The following CCSER1 variants were observed in gnomAD, a reference collection of about 807,000 sequenced individuals.
CCSER1 encodes coiled-coil serine rich protein 1, also known as serine-rich coiled-coil domain-containing protein 1.
A neutral mutation model predicts 82.0 loss-of-function variants in CCSER1; 41 were observed. The ratio of observed to expected loss-of-function variants is 0.50; its 90% confidence interval spans 0.39 to 0.65. CCSER1 has a LOEUF of 0.65. Among genes scored for constraint, CCSER1 ranks in the 30% least tolerant of loss-of-function variants. The pLI is 0.00. For synonymous variants in CCSER1, 414 were observed against 383.9 expected, an observed-to-expected ratio of 1.08 and a Z score of -0.92; for missense variants, 1,119 against 1,064.2, an observed-to-expected ratio of 1.05 and a Z score of -0.72.
At chr4:90,138,170 A>G (rs1161680782) in intron 1 of CCSER1, among the ~76,000 whole-genome samples, 2 of 152,270 alleles carry the variant, frequency 1.3e-5, no homozygotes, top group East Asian at 3.9e-4. Context: ...ATGCACTACT[A>G]CTTAAGAGTG....
chr4:91,183,643 G>C (rs569143763), intron 10 of CCSER1, among the ~76,000 whole-genome samples: 3 of 152,072 alleles, frequency 2.0e-5, no homozygotes, highest in Non-Finnish European at 4.4e-5. Context: ...GTTAGAGTCC[G>C]TGAATTAGTA....
At chr4:91,544,417 C>G (rs1272103173) in intron 10 of CCSER1, among the ~76,000 whole-genome samples, 1 of 152,190 alleles carries the variant, frequency 6.6e-6, no homozygotes, top group Non-Finnish European at 1.5e-5. Context: ...CTTTTCTGCT[C>G]TGGTTTCTCC....
In CCSER1 at chr4:91,439,572, A is replaced by T. The variant is rs1340635790; in HGVS notation, c.2218-159000A>T. ...TCGAGACTAGGAAGAAACTGCATCA[A>T]CTAACAAGCAAAATAACCAGGATCA... is the stretch of plus-strand genomic sequence containing the variant. On this transcript the variant is annotated intron_variant, in intron 10 of 10. Transcript: ENST00000509176. Among the ~76,000 whole-genome samples the T allele has an allele frequency of 2.6e-5, 4 of 152,134 alleles. No homozygotes were observed. In the East Asian group the frequency reaches 7.7e-4, roughly 29 times the overall value.
In CCSER1 at chr4:91,077,986, G is replaced by A. The variant is rs184952090; in HGVS notation, c.2173-7964G>A. ...AGCCCACCACAGCTCAAGGAGGCCC[G>A]CCTGCCTCTGTAGACTCCACCTCTA... On this transcript the variant is annotated intron_variant, in intron 9 of 10. Transcript: ENST00000509176. 8.5e-3 allele frequency among the ~76,000 whole-genome samples: 1,297 copies of A among 152,328 alleles called. 19 individuals carry two copies. Among genetic ancestry groups the A allele is most frequent in the African/African-American group, 0.028 (1,163 of 41,568 alleles).
At chr4:91,166,083 A>G (rs1732032682) in intron 10 of CCSER1, among the ~76,000 whole-genome samples, 1 of 152,228 alleles carries the variant, frequency 6.6e-6, no homozygotes, top group Admixed American at 6.5e-5. Context: ...AATTATAGCT[A>G]ACATTTTAAG....
chr4:90,220,818 G>T (rs1742011491), intron 1 of CCSER1, among the ~76,000 whole-genome samples: 1 of 152,128 alleles, frequency 6.6e-6, no homozygotes, highest in Non-Finnish European at 1.5e-5. Flanking sequence ...ATGCAATTTA[G>T]ATGTATCATT....
chr4:90,887,177 G>T (rs1722253383), intron 8 of CCSER1, among the ~76,000 whole-genome samples: 1 of 152,080 alleles, frequency 6.6e-6, no homozygotes, highest in African/African-American at 2.4e-5. Context: ...AGATTTTCCA[G>T]ATTCAGGCCA....
chr4:90,215,113 A>G (rs972786790), intron 1 of CCSER1, among the ~76,000 whole-genome samples: 1 of 152,154 alleles, frequency 6.6e-6, no homozygotes, highest in Admixed American at 6.5e-5. Context: ...ATAGAATTCT[A>G]TCAAAATAAA....
intron 7 of CCSER1, among the ~76,000 whole-genome samples, chr4:90,778,026 G>A (rs1753175962): frequency 6.6e-6 from 1 of 151,814 alleles, no homozygotes; most frequent in Admixed American, 6.6e-5. Flanking sequence ...AAAAAAAAAT[G>A]TTTTCTTATT....
intron 5 of CCSER1, among the ~76,000 whole-genome samples, chr4:90,627,745 C>T (rs1039027515): frequency 2.6e-5 from 4 of 151,912 alleles, no homozygotes; most frequent in African/African-American, 9.7e-5. Flanking sequence ...CTTTGAGAGG[C>T]CAAGGCAGGC....
chr4:90,530,115 C>T (rs937187708), intron 5 of CCSER1, among the ~76,000 whole-genome samples: 1 of 152,012 alleles, frequency 6.6e-6, no homozygotes, highest in African/African-American at 2.4e-5. Flanking sequence ...TCATTGAACA[C>T]CTACTAGGTG....
intron 3 of CCSER1, among the ~76,000 whole-genome samples, chr4:90,349,653 C>G (rs749103818): frequency 6.6e-6 from 1 of 152,020 alleles, no homozygotes; most frequent in Non-Finnish European, 1.5e-5. Context: ...TACCATTACT[C>G]TCTGCTTTCC....
intron 1 of CCSER1, among the ~76,000 whole-genome samples, chr4:90,155,175 A>T (rs1466247733): frequency 6.6e-6 from 1 of 152,170 alleles, no homozygotes; most frequent in African/African-American, 2.4e-5. Context: ...TATACGCTGG[A>T]TTACATTTAT....
chr4:90,879,485 AGAG>A (rs1720870984), intron 8 of CCSER1, among the ~76,000 whole-genome samples: 8 of 118,254 alleles, frequency 6.8e-5, no homozygotes, highest in East Asian at 4.0e-4. Context: ...TAATAATAAA[AGAG>A]GAAGAAGAAG....
intron 1 of CCSER1, among the ~76,000 whole-genome samples, chr4:90,183,251 A>C (rs1160183270): frequency 6.6e-6 from 1 of 152,100 alleles, no homozygotes; most frequent in Non-Finnish European, 1.5e-5. Flanking sequence ...CCATTCATAT[A>C]ATTCCTATCA....
chr4:90,229,460 C>T (rs1363268487), intron 1 of CCSER1, among the ~76,000 whole-genome samples: 1 of 151,862 alleles, frequency 6.6e-6, no homozygotes, highest in East Asian at 1.9e-4. Flanking sequence ...TAAAAGTGCT[C>T]CTGAAGGAAG....
intron 7 of CCSER1, among the ~76,000 whole-genome samples, chr4:90,779,332 A>G (rs1753422859): frequency 6.6e-6 from 1 of 151,894 alleles, no homozygotes; most frequent in Non-Finnish European, 1.5e-5. Flanking sequence ...ATTTCAAGGT[A>G]TACATTACTT....
chr4:90,775,454 C>G (rs188568168), intron 7 of CCSER1, among the ~76,000 whole-genome samples: 1 of 151,968 alleles, frequency 6.6e-6, no homozygotes, highest in African/African-American at 2.4e-5. Flanking sequence ...CATGGAGAGA[C>G]GATTTTTGAA....
At chr4:90,171,957 A>G (rs1731779203) in intron 1 of CCSER1, among the ~76,000 whole-genome samples, 1 of 151,982 alleles carries the variant, frequency 6.6e-6, no homozygotes, top group East Asian at 1.9e-4. Flanking sequence ...AACATTTCAT[A>G]CAATAATCTT....
Sources: allele counts gnomAD v4.1 joint callset (sites outside exome capture counted in the v4.1 genomes callset), GRCh38; gene constraint gnomAD v4.1.1; transcripts MANE v1.5; gene names NCBI Gene and HGNC (gene_info 2026-07-23, HGNC 2026-07-21).